Variants in ACAD11 observed in about 807,000 individuals in gnomAD.
ACAD11 encodes the protein acyl-Coenzyme A dehydrogenase family, member 11.
Under a neutral mutation model 102.2 loss-of-function variants are expected in ACAD11, and 83 were observed. The ratio of observed to expected loss-of-function variants is 0.81; its 90% CI spans 0.68 to 0.97. The LOEUF (loss-of-function observed/expected upper bound fraction) is 0.97, where lower values mean the gene tolerates loss of function less well. ACAD11 is among the 50% of genes least tolerant of loss of function. The pLI, the probability that ACAD11 is intolerant of heterozygous loss-of-function variation, is 0.00. For synonymous variants in ACAD11, 324 were observed against 319.8 expected (o/e 1.01, Z -0.14); for missense variants, 901 against 951.7 (o/e 0.95, Z 0.70).
rs1427969643 is a variant in ACAD11, at chr3:132,656,845, T to A, written c.149+2758A>T. ...GGTGGTGTGAAATGGTTTCTCATTGTGTTGTTTTTTTTTTTTTAATTTGCA... is the reference window on the plus strand; with the variant it reads ...GGTGGTGTGAAATGGTTTCTCATTGAGTTGTTTTTTTTTTTTTAATTTGCA... On this transcript the variant is annotated intron_variant, in intron 1 of 19. Coordinates refer to ENST00000264990, the MANE Select transcript of ACAD11 (RefSeq NM_032169.5). 2.1e-5 allele frequency among the ~76,000 whole-genome samples: 3 copies of A among 144,708 alleles called. No individual in the cohort carries two copies. In the East Asian group the frequency reaches 5.9e-4, roughly 29 times the overall value. The allele number at this position is 144,708 out of a possible 152,430, so 94.9% of individuals were successfully genotyped here.
chr3:132,630,623 T>C, intron 6 of ACAD11, 65 bp from the exon 7 acceptor site: 1 of 1,408,206 alleles, frequency 7.1e-7, no homozygotes, highest in South Asian at 1.4e-5. Flanking sequence ...CAAAATGTTA[T>C]GAGACTGAGA....
chr3:132,635,057 AAAAT>A (rs1306894053), intron 5 of ACAD11, among the ~76,000 whole-genome samples: 2 of 151,270 alleles, frequency 1.3e-5, no homozygotes, highest in African/African-American at 4.8e-5. Flanking sequence ...AGTACAATAA[AAAAT>A]AAATATATAT....
intron 5 of ACAD11, among the ~76,000 whole-genome samples, chr3:132,637,217 C>T (rs2107876981): frequency 6.6e-6 from 1 of 152,030 alleles, no homozygotes; most frequent in Non-Finnish European, 1.5e-5. Context: ...GATATAAAGT[C>T]AGGGTGGGAA....
intron 13 of ACAD11, among the ~76,000 whole-genome samples, chr3:132,584,439 G>C (rs1177860107): frequency 6.6e-6 from 1 of 151,870 alleles, no homozygotes; most frequent in East Asian, 1.9e-4. Flanking sequence ...CCTTTATTTT[G>C]AGCCTATGTG....
intron 16 of ACAD11, among the ~76,000 whole-genome samples, chr3:132,576,163 C>A (rs1937521297): frequency 6.6e-6 from 1 of 152,170 alleles, no homozygotes; most frequent in South Asian, 2.1e-4. Flanking sequence ...TAAGTATGTA[C>A]TATGCATAAG....
chr3:132,626,737 A>G lies in ACAD11; in HGVS notation c.1151T>C (p.Ile384Thr). 3 of 1,613,890 alleles carry G rather than the reference A, an allele frequency of 1.9e-6. No individual in the cohort carries two copies. The highest frequency in any genetic ancestry group is 1.7e-6 in the Non-Finnish European group (2 of 1,179,962). Reference protein sequence around the residue: ...VQTRKGQEVLIKVKHFMKQHI... With the variant: ...VQTRKGQEVLTKVKHFMKQHI... ...TTGTTTCATGAAATGCTTCACCTTAATAAGAACTTCCTGACCTTTCCGAGT... is the reference window on the plus strand; with the variant it reads ...TTGTTTCATGAAATGCTTCACCTTAGTAAGAACTTCCTGACCTTTCCGAGT... Residue 384 changes from isoleucine (I) to threonine (T), a missense_variant, in exon 9 of 20, where the codon ATT becomes ACT. Coordinates refer to ENST00000264990, the MANE Select transcript of ACAD11 (RefSeq NM_032169.5).
At chr3:132,607,469 G>A (rs957195810) in intron 11 of ACAD11, among the ~76,000 whole-genome samples, 3 of 152,124 alleles carry the variant, frequency 2.0e-5, no homozygotes. Context: ...CGAGAACTTC[G>A]TGAAGTATAC....
intron 9 of ACAD11, 116 bp downstream of exon 9, chr3:132,626,575 T>C: frequency 8.4e-7 from 1 of 1,191,220 alleles, no homozygotes; most frequent in Non-Finnish European, 1.2e-6. Flanking sequence ...AGAAGAAGAA[T>C]CTAGGTAAGG....
intron 12 of ACAD11, among the ~76,000 whole-genome samples, 181 bp from the exon 13 acceptor site, chr3:132,603,508 T>C (rs1938706486): frequency 6.6e-6 from 1 of 152,220 alleles, no homozygotes; most frequent in African/African-American, 2.4e-5. Flanking sequence ...ACTGAAAGAA[T>C]GAGTGAATGA....
intron 1 of ACAD11, chr3:132,649,787 C>T (rs1940867229): frequency 6.6e-6 from 1 of 152,162 alleles, no homozygotes; most frequent in South Asian, 2.1e-4. Flanking sequence ...GGGCTGGCCC[C>T]CTTCAGGTTT....
intron 13 of ACAD11, among the ~76,000 whole-genome samples, chr3:132,588,496 C>T (rs2107805019): frequency 6.6e-6 from 1 of 152,206 alleles, no homozygotes; most frequent in African/African-American, 2.4e-5. Flanking sequence ...ATCACATAAG[C>T]AGAACTAGAA....
At chr3:132,612,013 G>T (rs1476185302) in intron 11 of ACAD11, among the ~76,000 whole-genome samples, 3 of 151,948 alleles carry the variant, frequency 2.0e-5, no homozygotes, top group Non-Finnish European at 4.4e-5. Flanking sequence ...CATGGTACTG[G>T]TACTAAAACA....
intron 13 of ACAD11, among the ~76,000 whole-genome samples, chr3:132,589,987 C>T (rs770833465): frequency 2.6e-5 from 4 of 152,182 alleles, no homozygotes; most frequent in Non-Finnish European, 5.9e-5. Flanking sequence ...TGCTAATTTG[C>T]TAAGGATAAT....
chr3:132,590,275 T>C (rs941206111), intron 13 of ACAD11, among the ~76,000 whole-genome samples: 2 of 152,132 alleles, frequency 1.3e-5, no homozygotes, highest in Non-Finnish European at 2.9e-5. Context: ...TTGGATTTTT[T>C]TGAGACAGTC....
At chr3:132,612,486 G>A (rs1939201103) in intron 11 of ACAD11, among the ~76,000 whole-genome samples, 1 of 151,774 alleles carries the variant, frequency 6.6e-6, no homozygotes, top group Non-Finnish European at 1.5e-5. Context: ...TCTGACAAAG[G>A]GCTAATATCC....
intron 1 of ACAD11, chr3:132,646,596 T>C (rs1940726946): frequency 1.3e-5 from 2 of 152,132 alleles, no homozygotes; most frequent in Non-Finnish European, 1.5e-5. Context: ...TACATATATA[T>C]CCAAGAGAAC....
At position 132,619,506 on chromosome 3, in the gene ACAD11, C is replaced by G. The variant is rs753535341; in HGVS notation, c.1237G>C (p.Asp413His). ...EFYVQNENSVDKWGKPLVIDK... is the reference protein window; with the variant it reads ...EFYVQNENSVHKWGKPLVIDK... Reference sequence around the variant, plus strand: ...ATCACTAAAGGTTTTCCCCACTTGTCCACTGAATTTTCATTTTGAACATAG... The same window carrying G: ...ATCACTAAAGGTTTTCCCCACTTGTGCACTGAATTTTCATTTTGAACATAG... Residue 413 changes from aspartate to histidine, a missense_variant, in exon 10 of 20, where the codon GAC (aspartate) becomes CAC (histidine). Physicochemically the swap from Asp to His is moderately conservative, Grantham distance 81. Transcript: ENST00000264990. 1.9e-5 allele frequency: 31 copies of G among 1,591,952 alleles called. No individual in the cohort carries two copies. In the Admixed American group the frequency reaches 5.4e-4, roughly 28 times the overall value.
At chr3:132,585,405 A>C (rs1312636626) in intron 13 of ACAD11, among the ~76,000 whole-genome samples, 4 of 152,214 alleles carry the variant, frequency 2.6e-5, no homozygotes, top group Non-Finnish European at 4.4e-5. Flanking sequence ...AAGAAAACCT[A>C]GGCAATACCA....
Position 132,575,812 on chromosome 3 carries a change from G to T in ACAD11, c.1961C>A (p.Ala654Glu). 1 of 1,613,950 alleles carries T rather than the reference G, an allele frequency of 6.2e-7. No homozygotes were observed. The highest frequency in any genetic ancestry group is 1.7e-5 in the Admixed American group (1 of 60,014). Residue 654 changes from alanine (A) to glutamate (E), a missense_variant, in exon 17 of 20, where the codon GCA (alanine) becomes GAA (glutamate). Coordinates refer to ENST00000264990, the MANE Select transcript of ACAD11 (RefSeq NM_032169.5). ...ERALQIMCERATQRIAFKKKL... is the reference protein window; with the variant it reads ...ERALQIMCERETQRIAFKKKL... ...CTTCTTGAAAGCTATCCTTTGTGTTGCCCGCTCACACATGATCTGCAAAGC... is the reference window on the plus strand; with the variant it reads ...CTTCTTGAAAGCTATCCTTTGTGTTTCCCGCTCACACATGATCTGCAAAGC...
Sources: gnomAD v4.1 joint callset for allele counts (sites outside exome capture counted in the v4.1 genomes callset) on GRCh38, gnomAD v4.1.1 for gene constraint, MANE v1.5 for transcripts, NCBI Gene and HGNC (gene_info 2026-07-23, HGNC 2026-07-21) for gene names.